The following CNGB3 variants were observed in gnomAD, a reference collection of about 807,000 sequenced individuals.
The protein encoded by CNGB3 is cyclic nucleotide gated channel subunit beta 3.
In CNGB3, 86 loss-of-function variants were observed where a neutral mutation model predicts 92.8. The ratio of observed to expected loss-of-function variants is 0.93; its 90% CI spans 0.78 to 1.11. The LOEUF (loss-of-function observed/expected upper bound fraction) is 1.11, where lower values mean the gene tolerates loss of function less well. Ranked by LOEUF, CNGB3 falls within the 50% of genes least tolerant of loss-of-function variation. CNGB3 has a pLI of 0.00. For missense variants in CNGB3, 1,026 were observed against 956.8 expected, an observed-to-expected ratio of 1.07 and a Z score of -0.95; for synonymous variants, 333 against 332.7, an observed-to-expected ratio of 1.00 and a Z score of -0.01.
chr8:86,707,847 C>G (rs1232007364), intron 3 of CNGB3: 2 of 152,134 alleles, frequency 1.3e-5, no homozygotes, highest in African/African-American at 4.8e-5. Context: ...AGATATAACA[C>G]AAAGGAATAG....
intron 3 of CNGB3, chr8:86,707,646 C>T (rs1824674697): frequency 6.6e-6 from 1 of 152,202 alleles, no homozygotes; most frequent in South Asian, 2.1e-4. Flanking sequence ...AGATGGGAAA[C>T]CACTGGAGAA....
chr8:86,687,093 A>G (rs978431414), intron 3 of CNGB3, among the ~76,000 whole-genome samples: 1 of 151,998 alleles, frequency 6.6e-6, no homozygotes, highest in South Asian at 2.1e-4. Flanking sequence ...ACCACTTCAC[A>G]CTCACTAGGA....
intron 3 of CNGB3, among the ~76,000 whole-genome samples, chr8:86,698,736 G>C (rs1459801096): frequency 6.6e-6 from 1 of 152,150 alleles, no homozygotes; most frequent in Non-Finnish European, 1.5e-5. Context: ...AGGGTGTTAA[G>C]AGTTGGGATT....
chr8:86,678,416 G>T (rs1311177757), intron 3 of CNGB3, among the ~76,000 whole-genome samples: 1 of 152,134 alleles, frequency 6.6e-6, no homozygotes, highest in South Asian at 2.1e-4. Context: ...ATTTTGAGTT[G>T]TTTATCACAT....
At position 86,670,990 on chromosome 8, in the gene CNGB3, CT is replaced by C; in HGVS notation, c.446del (p.Lys149SerfsTer3). 6.2e-7 allele frequency: 1 copy of C among 1,613,200 alleles called. No individual in the cohort carries two copies. The highest frequency in any genetic ancestry group is 1.1e-5 in the South Asian group (1 of 91,032). Reference sequence around the variant, plus strand: ...GTGAGGAGAGATCTCCCTCTACCAACTTTTTCTTGTAGAGGGCTGTTCTTTG... The same window carrying C: ...GTGAGGAGAGATCTCCCTCTACCAACTTTTCTTGTAGAGGGCTGTTCTTTG... ...MRQRTALYKK[K>X]LVEGDLSSPE... On this transcript the variant is annotated frameshift_variant, in exon 4 of 18. Transcript: ENST00000320005. LOFTEE classifies it high-confidence loss of function.
chr8:86,743,536 G>C lies in CNGB3; in HGVS notation c.92C>G (p.Ser31Cys), dbSNP rs1472499237. ...EQSSRRNEEG[S>C]HPSNQSQQTT... ...TTGCTGAGACTGATTACTTGGGTGA[G>C]AGCCTTCTTCATTCCGACGAGAACT... The change falls in exon 1 of 18, where the codon TCT becomes TGT. Residue 31 changes from serine to cysteine, a missense_variant. Physicochemically the swap from Ser to Cys is moderately radical, Grantham distance 112. Transcript: ENST00000320005. The C allele has an allele frequency of 1.9e-5, 30 of 1,613,990 alleles. No homozygotes were observed. The highest frequency in any genetic ancestry group is 2.5e-5 in the Non-Finnish European group (29 of 1,179,902).
intron 15 of CNGB3, among the ~76,000 whole-genome samples, chr8:86,590,916 A>G (rs2131546063): frequency 6.6e-6 from 1 of 151,384 alleles, no homozygotes; most frequent in Middle Eastern, 3.4e-3. Context: ...ATTCTCCTGG[A>G]TAATATCCTG....
chr8:86,742,398 G>A (rs10104596), intron 1 of CNGB3, among the ~76,000 whole-genome samples: 64,952 of 151,980 alleles, frequency 0.43, 13,881 homozygotes, highest in East Asian at 0.49. Context: ...TACTAACACA[G>A]TCCTCCTCAT....
chr8:86,668,129 T>C lies in CNGB3; in HGVS notation c.533A>G (p.Asp178Gly). 6.2e-7 allele frequency: 1 copy of C among 1,614,046 alleles called. No homozygotes were observed. Residue 178 changes from aspartate (D) to glycine (G), a missense_variant, in exon 5 of 18, where the codon GAT becomes GGT. Asp to Gly is a moderately conservative substitution (Grantham distance 94). Transcript: ENST00000320005. Reference protein sequence around the residue: ...TAVPPVKESDDKPTEHYYRLL... With the variant: ...TAVPPVKESDGKPTEHYYRLL... ...CCTGTAGTAATGTTCTGTTGGCTTA[T>C]CATCGCTTTCTTTTACTGGTGGTAC...
At chr8:86,578,022 G>T (rs563038861) in intron 17 of CNGB3, among the ~76,000 whole-genome samples, 64 of 152,132 alleles carry the variant, frequency 4.2e-4, no homozygotes, top group African/African-American at 1.5e-3. Context: ...CAATTCTCTT[G>T]CCTCAGCCTC....
chr8:86,704,872 C>T (rs1470225597), intron 3 of CNGB3, among the ~76,000 whole-genome samples: 7 of 151,948 alleles, frequency 4.6e-5, no homozygotes, highest in Non-Finnish European at 7.4e-5. Flanking sequence ...TTTAAAATAC[C>T]GTCTATTTTT....
intron 13 of CNGB3, among the ~76,000 whole-genome samples, chr8:86,616,859 G>C (rs921812245): frequency 1.3e-5 from 2 of 152,164 alleles, no homozygotes; most frequent in Non-Finnish European, 2.9e-5. Flanking sequence ...GTAGGTATTG[G>C]AGGAAGAGTA....
intron 3 of CNGB3, among the ~76,000 whole-genome samples, chr8:86,694,516 G>A (rs1359649373): frequency 9.2e-5 from 14 of 151,380 alleles, no homozygotes; most frequent in Admixed American, 1.3e-4. Context: ...GGCGGCTGCC[G>A]GGTGGCGGGA....
At chr8:86,621,817 C>T (rs927541026) in intron 13 of CNGB3, among the ~76,000 whole-genome samples, 5 of 152,198 alleles carry the variant, frequency 3.3e-5, no homozygotes, top group Non-Finnish European at 7.3e-5. Flanking sequence ...GTAATCCCAG[C>T]ACTTTGGGAG....
At chr8:86,708,205 A>C (rs1198210769) in intron 3 of CNGB3, among the ~76,000 whole-genome samples, 4 of 152,170 alleles carry the variant, frequency 2.6e-5, no homozygotes, top group African/African-American at 4.8e-5. Context: ...ATCTAGGTAA[A>C]GAAGGGGTCT....
chr8:86,659,577 A>G (rs1823590559), intron 6 of CNGB3: 1 of 562,438 alleles, frequency 1.8e-6, no homozygotes, highest in Non-Finnish European at 3.4e-6. Context: ...TTCTTCTGCT[A>G]TGTAGAGACA....
intron 2 of CNGB3, among the ~76,000 whole-genome samples, chr8:86,737,832 G>T (rs2131682165): frequency 6.6e-6 from 1 of 152,268 alleles, no homozygotes; most frequent in African/African-American, 2.4e-5. Flanking sequence ...GCGGTATTTG[G>T]TTTTCTGTTC....
intron 4 of CNGB3, 90 bp downstream of exon 4, chr8:86,670,854 G>T: frequency 7.4e-7 from 1 of 1,359,866 alleles, no homozygotes; most frequent in Non-Finnish European, 1.1e-6. Flanking sequence ...CTCAGGGTCT[G>T]CTTTTGGGAG....
chr8:86,729,920 A>G (rs1386354604), intron 2 of CNGB3, among the ~76,000 whole-genome samples: 3 of 152,230 alleles, frequency 2.0e-5, no homozygotes, highest in African/African-American at 2.4e-5. Context: ...CTTTCTGCCA[A>G]TGGTGCTCTT....
Sources: gnomAD v4.1 joint callset for allele counts (sites outside exome capture counted in the v4.1 genomes callset) on GRCh38, gnomAD v4.1.1 for gene constraint, MANE v1.5 for transcripts, NCBI Gene and HGNC (gene_info 2026-07-23, HGNC 2026-07-21) for gene names.